Variants in CUBN observed in about 807,000 individuals in gnomAD.
CUBN encodes the protein cubilin.
A neutral mutation model predicts 405.3 loss-of-function variants in CUBN; 282 were observed. That is an observed-to-expected ratio of 0.70 (90% CI 0.63 to 0.77). CUBN has a LOEUF of 0.77. Among genes scored for constraint, CUBN ranks in the 30% least tolerant of loss-of-function variants. The pLI is 0.00. For synonymous variants in CUBN, 1,684 were observed against 1,617.0 expected (o/e 1.04, Z -0.99); for missense variants, 4,514 against 4,475.2 (o/e 1.01, Z -0.25).
intron 7 of CUBN, among the ~76,000 whole-genome samples, chr10:17,115,206 T>C (rs1286444779): frequency 7.0e-6 from 1 of 143,266 alleles, no homozygotes; most frequent in African/African-American, 2.6e-5. Context: ...ATCGTGCCAC[T>C]GCACTCCAGC....
rs3740163 is a variant in CUBN at position 17,085,827 on chromosome 10, T to A, written c.1948-68A>T. The A allele has an allele frequency of 0.024, 32,150 of 1,360,092 alleles. 458 individuals carry two copies. Among genetic ancestry groups the A allele is most frequent in the East Asian group, 0.062 (2,660 of 42,874 alleles). The allele number at this position is 1,360,092 out of a possible 1,614,324, so 84.3% of individuals were successfully genotyped here. ...TTTTAACAAACTAGGTCACTTTGGA[T>A]ATTAACTTCATAAAATCTATCATTT... On this transcript the variant is annotated intron_variant, in intron 15 of 66. Transcript: ENST00000377833.
chr10:16,907,530 G>A lies in CUBN; in HGVS notation c.7683C>T (p.Ser2561=), dbSNP rs1336600974. The A allele has an allele frequency of 6.2e-7, 1 of 1,614,128 alleles. No individual in the cohort carries two copies. The highest frequency in any genetic ancestry group is 1.3e-5 in the African/African-American group (1 of 75,022). The change falls in exon 49 of 67, where the codon TCC becomes TCT. Residue 2561 remains serine, a synonymous_variant. Transcript: ENST00000377833. The part of the protein sequence containing the change: ...GSRPYGGFTA[S]YTSSEDAVCG... Reference sequence around the variant, plus strand: ...TACCTGCATCTTCACTGGAGGTATAGGAAGCAGTGAAGCCGCCATATGGCC... The same window carrying A: ...TACCTGCATCTTCACTGGAGGTATAAGAAGCAGTGAAGCCGCCATATGGCC...
chr10:17,047,564 G>C lies in CUBN; in HGVS notation c.3179C>G (p.Thr1060Ser), dbSNP rs770960595. Residue 1060 changes from threonine (T) to serine (S), a missense_variant, in exon 23 of 67, where the codon ACT (threonine) becomes AGT (serine). Physicochemically the swap from Thr to Ser is moderately conservative, Grantham distance 58 (BLOSUM62 1). This residue lies in a region of CUBN where 1,448 missense variants were observed against 1,388.0 expected (regional missense o/e 1.04). Coordinates refer to ENST00000377833, the MANE Select transcript of CUBN (RefSeq NM_001081.4). ...QDYTDDLGTF[T>S]SPNFPNNYPN... ...ATAATTATTGGGGAAGTTTGGAGAA[G>C]TGAATGTCCCCAAATCATCTGTGTA... 6.2e-7 allele frequency: 1 copy of C among 1,613,974 alleles called. No homozygotes were observed. Among genetic ancestry groups the C allele is most frequent in the Non-Finnish European group, 8.5e-7 (1 of 1,179,976 alleles).
At chr10:17,125,606 G>A (rs1482641957) in intron 4 of CUBN, among the ~76,000 whole-genome samples, 1 of 152,228 alleles carries the variant, frequency 6.6e-6, no homozygotes, top group East Asian at 1.9e-4. Context: ...AAAGCCTACA[G>A]GGGCCTAGTA....
intron 29 of CUBN, 32 bp from the exon 30 acceptor site, chr10:16,984,311 A>G: frequency 6.2e-7 from 1 of 1,606,340 alleles, no homozygotes; most frequent in Non-Finnish European, 8.5e-7. Flanking sequence ...AAGACTTTAA[A>G]AAATATTTTA....
intron 41 of CUBN, among the ~76,000 whole-genome samples, chr10:16,926,813 AT>A (rs1842202860): frequency 6.7e-5 from 1 of 15,034 alleles, no homozygotes; most frequent in Non-Finnish European, 1.4e-4. Context: ...TTTTTTTTCT[AT>A]CTATCTATCT....
rs371236291 is a variant in CUBN, at chr10:16,928,234, G to C, written c.6194C>G (p.Thr2065Ser). The C allele has an allele frequency of 6.2e-7, 1 of 1,613,998 alleles. No individual in the cohort carries two copies. Among genetic ancestry groups the C allele is most frequent in the Middle Eastern group, 1.6e-4 (1 of 6,062 alleles). Reference sequence around the variant, plus strand: ...GAAGCGGATGAACATGTACTCTCCAGTAGACCGGATGGGCCCAGGGATCTC... The same window carrying C: ...GAAGCGGATGAACATGTACTCTCCACTAGACCGGATGGGCCCAGGGATCTC... ...GREIPGPIRSTGEYMFIRFTS... is the reference protein window; with the variant it reads ...GREIPGPIRSSGEYMFIRFTS... Residue 2065 changes from threonine to serine, a missense_variant, in exon 41 of 67, where the codon ACT (threonine) becomes AGT (serine). Coordinates refer to ENST00000377833, the MANE Select transcript of CUBN (RefSeq NM_001081.4).
Position 16,948,520 on chromosome 10 carries a change from T to G in CUBN, c.5167A>C (p.Ser1723Arg). The G allele has an allele frequency of 6.2e-7, 1 of 1,614,058 alleles. No homozygotes were observed. The highest frequency in any genetic ancestry group is 8.5e-7 in the Non-Finnish European group (1 of 1,179,978). ...TLRFVSDSSISAGGFHTTVTA... is the reference protein window; with the variant it reads ...TLRFVSDSSIRAGGFHTTVTA... ...ACCGTGGTGTGGAAACCCCCAGCAC[T>G]GATGCTAGAATCAGAGACGAATCTC... Residue 1723 changes from serine (S) to arginine (R), a missense_variant, in exon 35 of 67, where the codon AGT becomes CGT. By Grantham distance (110) the Ser-to-Arg change is moderately radical. Transcript: ENST00000377833.
At chr10:16,903,168 T>C (rs1841446053) in intron 51 of CUBN, among the ~76,000 whole-genome samples, 1 of 152,200 alleles carries the variant, frequency 6.6e-6, no homozygotes. Context: ...ATTCATCACA[T>C]TAACTTATGA....
chr10:17,084,267 T>C lies in CUBN; in HGVS notation c.2301+4A>G. The C allele has an allele frequency of 1.2e-6, 2 of 1,613,520 alleles. No individual in the cohort carries two copies. Among genetic ancestry groups the C allele is most frequent in the South Asian group, 2.2e-5 (2 of 91,056 alleles). ...TCTAAGGGCGATTGAGTAGTGAAAGTTACCTCAATGTAATTCTGAGAACTG... is the reference window on the plus strand; with the variant it reads ...TCTAAGGGCGATTGAGTAGTGAAAGCTACCTCAATGTAATTCTGAGAACTG... On this transcript the variant is annotated splice_donor_region_variant and intron_variant, in intron 17 of 66. Coordinates refer to ENST00000377833, the MANE Select transcript of CUBN (RefSeq NM_001081.4).
intron 25 of CUBN, 111 bp downstream of exon 25, chr10:17,044,896 G>T (rs1381539704): frequency 2.7e-6 from 3 of 1,104,454 alleles, no homozygotes; most frequent in Admixed American, 1.7e-5. Flanking sequence ...TTTTTATATG[G>T]ATGTTCGGTT....
At chr10:16,965,923 G>A (rs908151528) in intron 31 of CUBN, 6 of 470,460 alleles carry the variant, frequency 1.3e-5, no homozygotes, top group African/African-American at 1.2e-4. Context: ...GCTTAGCAGT[G>A]CAGAGCCAAT....
At chr10:16,920,821 C>A (rs1428465493) in intron 43 of CUBN, among the ~76,000 whole-genome samples, 1 of 152,126 alleles carries the variant, frequency 6.6e-6, no homozygotes, top group Non-Finnish European at 1.5e-5. Flanking sequence ...ATGAAATTAA[C>A]CTGTCCAATC....
intron 41 of CUBN, 116 bp from the exon 42 acceptor site, chr10:16,925,890 T>C (rs1842175855): frequency 2.3e-6 from 2 of 875,012 alleles, no homozygotes; most frequent in Admixed American, 2.0e-5. Flanking sequence ...TGCTTGAAAA[T>C]AAAGCCAGAG....
At position 16,877,221 on chromosome 10, in the gene CUBN, G is replaced by T. The variant is rs965955024; in HGVS notation, c.8906-124C>A. On this transcript the variant is annotated intron_variant, in intron 56 of 66. Coordinates refer to ENST00000377833, the MANE Select transcript of CUBN (RefSeq NM_001081.4). Reference sequence around the variant, plus strand: ...TGCTATAAAAATTAAAATGAGAAACGAGATATTTAACTTAGTTTCCTGTTG... The same window carrying T: ...TGCTATAAAAATTAAAATGAGAAACTAGATATTTAACTTAGTTTCCTGTTG... 7.1e-5 allele frequency: 62 copies of T among 868,252 alleles called. No homozygotes were observed. The South Asian group carries it at 8.5e-4, about 12-fold the overall frequency. The allele number at this position is 868,252 out of a possible 1,614,324, so 53.8% of individuals were successfully genotyped here. A position where few individuals can be genotyped will look rare whatever the true frequency, so the allele number is the denominator to read the frequency against.
intron 28 of CUBN, among the ~76,000 whole-genome samples, chr10:17,008,238 G>GGTGTGTGTGTGT (rs55936618): frequency 4.9e-5 from 4 of 80,910 alleles, no homozygotes; most frequent in African/African-American, 1.5e-4. Context: ...GCCCGTGTGT[G>GGTGTGTGTGTGT]GTGTGTGTGT....
At chr10:17,052,776 AAAAAAAAAAAAG>A (rs1222889479) in intron 22 of CUBN, among the ~76,000 whole-genome samples, 3 of 141,448 alleles carry the variant, frequency 2.1e-5, no homozygotes, top group African/African-American at 9.1e-5. Context: ...AAAAAAAAAA[AAAAAAAAAAAAG>A]AGAGAGAGAG....
chr10:16,997,514 C>T (rs1035874047), intron 28 of CUBN, among the ~76,000 whole-genome samples: 2 of 151,230 alleles, frequency 1.3e-5, no homozygotes, highest in Non-Finnish European at 1.5e-5. Flanking sequence ...TTTGGTAAGG[C>T]AGGTGTGATG....
At chr10:17,097,235 A>G (rs958966583) in intron 14 of CUBN, among the ~76,000 whole-genome samples, 2 of 152,128 alleles carry the variant, frequency 1.3e-5, no homozygotes, top group African/African-American at 4.8e-5. Flanking sequence ...TAAATTATCA[A>G]TATCAGGAAT....
Sources: allele counts gnomAD v4.1 joint callset (sites outside exome capture counted in the v4.1 genomes callset), GRCh38; gene constraint gnomAD v4.1.1; regional missense constraint gnomAD v4.1.1; transcripts MANE v1.5; gene names NCBI Gene and HGNC (gene_info 2026-07-23, HGNC 2026-07-21).